Variants in LRMDA observed in about 807,000 individuals in gnomAD.
LRMDA encodes leucine rich melanocyte differentiation associated.
A neutral mutation model predicts 29.8 loss-of-function variants in LRMDA; 18 were observed. The ratio of observed to expected loss-of-function variants is 0.60; its 90% confidence interval spans 0.42 to 0.90. LRMDA has a LOEUF of 0.90. Among genes scored for constraint, LRMDA ranks in the 40% least tolerant of loss-of-function variants. The pLI is 0.00. For synonymous variants in LRMDA, 125 were observed against 109.4 expected, an observed-to-expected ratio of 1.14 and a Z score of -0.89; for missense variants, 273 against 273.9, an observed-to-expected ratio of 1.00 and a Z score of 0.02.
intron 1 of LRMDA, among the ~76,000 whole-genome samples, chr10:75,437,830 T>TC (rs1257423584): frequency 3.3e-5 from 5 of 152,194 alleles, no homozygotes; most frequent in Non-Finnish European, 7.3e-5. Context: ...TGCCTTCAAA[T>TC]CAGCTTTGTT....
intron 5 of LRMDA, among the ~76,000 whole-genome samples, chr10:76,173,258 CTG>C (rs1405829015): frequency 6.6e-6 from 1 of 152,000 alleles, no homozygotes; most frequent in African/African-American, 2.4e-5. Flanking sequence ...AACAAAGAAA[CTG>C]TGAGCTACAG....
intron 5 of LRMDA, among the ~76,000 whole-genome samples, chr10:76,267,112 C>T (rs1840014657): frequency 6.6e-6 from 1 of 152,132 alleles, no homozygotes; most frequent in Non-Finnish European, 1.5e-5. Flanking sequence ...TAAAGAATGG[C>T]ATTCCCACAG....
At chr10:76,452,492 T>C (rs1308839497) in intron 6 of LRMDA, among the ~76,000 whole-genome samples, 2 of 147,438 alleles carry the variant, frequency 1.4e-5, no homozygotes, top group South Asian at 4.3e-4. Context: ...GGGAACTGAA[T>C]GAAAAAAAAA....
In LRMDA at chr10:76,238,563, T is replaced by C. The variant is rs576848288; in HGVS notation, c.517-85838T>C. Among the ~76,000 whole-genome samples, 17 of 148,896 alleles carry C rather than the reference T, an allele frequency of 1.1e-4. No individual in the cohort carries two copies. In the East Asian group the frequency reaches 3.4e-3, roughly 29 times the overall value. ...TTACAGGGCATGTCCCATGTGGGCATGCAGGAGGGGAAGGGCAGCAGGTAG... is the reference window on the plus strand; with the variant it reads ...TTACAGGGCATGTCCCATGTGGGCACGCAGGAGGGGAAGGGCAGCAGGTAG... On this transcript the variant is annotated intron_variant, in intron 5 of 6. Coordinates refer to ENST00000611255, the MANE Select transcript of LRMDA (RefSeq NM_001305581.2).
At chr10:76,433,138 A>C (rs1198121662) in intron 6 of LRMDA, among the ~76,000 whole-genome samples, 1 of 152,226 alleles carries the variant, frequency 6.6e-6, no homozygotes, top group African/African-American at 2.4e-5. Context: ...AGTGCAGCTG[A>C]ATTAAGTGAT....
intron 6 of LRMDA, among the ~76,000 whole-genome samples, chr10:76,389,307 A>G (rs892911980): frequency 6.6e-6 from 1 of 152,092 alleles, no homozygotes; most frequent in Non-Finnish European, 1.5e-5. Context: ...GTGAGGCTGG[A>G]GAGATTGACA....
chr10:75,931,418 A>G (rs1846203380), intron 2 of LRMDA, among the ~76,000 whole-genome samples: 1 of 152,162 alleles, frequency 6.6e-6, no homozygotes, highest in Non-Finnish European at 1.5e-5. Context: ...TCAGTCCAGA[A>G]TCTCCGTTAC....
chr10:76,008,164 G>C (rs1045471505), intron 2 of LRMDA, among the ~76,000 whole-genome samples: 1 of 152,180 alleles, frequency 6.6e-6, no homozygotes, highest in African/African-American at 2.4e-5. Flanking sequence ...TGTTTGCGTT[G>C]GGGTGGCTAA....
At chr10:76,093,828 G>T (rs1268705730) in intron 5 of LRMDA, among the ~76,000 whole-genome samples, 1 of 152,088 alleles carries the variant, frequency 6.6e-6, no homozygotes, top group Non-Finnish European at 1.5e-5. Context: ...TGATATTTTG[G>T]CTTCTGCTGG....
At chr10:75,495,283 T>C (rs988181504) in intron 2 of LRMDA, among the ~76,000 whole-genome samples, 1 of 152,086 alleles carries the variant, frequency 6.6e-6, no homozygotes, top group African/African-American at 2.4e-5. Context: ...CAAGCTGTAG[T>C]TGAAATGCCC....
At chr10:76,164,025 C>T (rs1850692200) in intron 5 of LRMDA, among the ~76,000 whole-genome samples, 1 of 152,176 alleles carries the variant, frequency 6.6e-6, no homozygotes, top group Non-Finnish European at 1.5e-5. Context: ...TTTTGAAACA[C>T]TTCCTTAAAC....
chr10:76,183,999 A>C (rs1175818340), intron 5 of LRMDA, among the ~76,000 whole-genome samples: 3 of 150,518 alleles, frequency 2.0e-5, no homozygotes, highest in African/African-American at 7.3e-5. Context: ...TGGGATTACA[A>C]GTGTGAGCCA....
At chr10:76,531,853 C>A (rs1006971215) in intron 6 of LRMDA, among the ~76,000 whole-genome samples, 1 of 152,098 alleles carries the variant, frequency 6.6e-6, no homozygotes, top group African/African-American at 2.4e-5. Context: ...TGTAGAATTG[C>A]TATCATTCTT....
At chr10:75,932,679 C>G (rs917022576) in intron 2 of LRMDA, among the ~76,000 whole-genome samples, 2 of 152,090 alleles carry the variant, frequency 1.3e-5, no homozygotes, top group Non-Finnish European at 2.9e-5. Flanking sequence ...TCTAAGCAAC[C>G]AGCCTGAGTA....
chr10:75,916,188 GTGTGT>G (rs1390386778), intron 2 of LRMDA, among the ~76,000 whole-genome samples: 13,226 of 134,066 alleles, frequency 0.099, 676 homozygotes, highest in Middle Eastern at 0.18. Flanking sequence ...GTGTGTGTGT[GTGTGT>G]GTGGGTGGGT....
chr10:76,230,239 G>T (rs1041959126), intron 5 of LRMDA, among the ~76,000 whole-genome samples: 7 of 152,244 alleles, frequency 4.6e-5, no homozygotes, highest in African/African-American at 1.7e-4. Context: ...TATTAATTCA[G>T]TTGCTTCCAC....
chr10:75,475,646 A>G (rs532030736), intron 2 of LRMDA, among the ~76,000 whole-genome samples: 3 of 152,328 alleles, frequency 2.0e-5, no homozygotes, highest in African/African-American at 7.2e-5. Context: ...CCTTTCTCCT[A>G]TAATAGAATC....
At chr10:75,993,706 C>T (rs1441830104) in intron 2 of LRMDA, among the ~76,000 whole-genome samples, 1 of 151,280 alleles carries the variant, frequency 6.6e-6, no homozygotes. Flanking sequence ...GCACTCCAGC[C>T]TGGGTGACAG....
intron 2 of LRMDA, among the ~76,000 whole-genome samples, chr10:75,583,163 C>G (rs1278649982): frequency 1.3e-5 from 2 of 152,322 alleles, no homozygotes; most frequent in Non-Finnish European, 2.9e-5. Context: ...TGGCTGTTAC[C>G]CAGTTCCACA....
Sources: gnomAD v4.1 joint callset for allele counts (sites outside exome capture counted in the v4.1 genomes callset) on GRCh38, gnomAD v4.1.1 for gene constraint, MANE v1.5 for transcripts, NCBI Gene and HGNC (gene_info 2026-07-23, HGNC 2026-07-21) for gene names.